The following SHCBP1L variants were observed in gnomAD, a reference collection of about 807,000 sequenced individuals.
SHCBP1L encodes testicular spindle-associated protein SHCBP1L.
A neutral mutation model predicts 62.5 loss-of-function variants in SHCBP1L; 67 were observed. The ratio of observed to expected loss-of-function variants is 1.07; its 90% confidence interval spans 0.88 to 1.31. The LOEUF is 1.31. SHCBP1L is among the 40% of genes most tolerant of loss of function. The probability of loss-of-function intolerance (pLI) is 0.00; values close to 1 mark genes in which losing one functional copy is unlikely to be tolerated. For synonymous variants in SHCBP1L, 284 were observed against 289.4 expected (o/e 0.98, Z 0.19); for missense variants, 823 against 809.8 (o/e 1.02, Z -0.20).
At position 182,915,804 on chromosome 1, in the gene SHCBP1L, T is replaced by C. The variant is rs189197877; in HGVS notation, c.1183-10155A>G. Among the ~76,000 whole-genome samples the C allele has an allele frequency of 3.4e-3, 501 of 146,344 alleles. 1 individual carries two copies. The highest frequency in any genetic ancestry group is 5.2e-3 in the Non-Finnish European group (351 of 67,642). On this transcript the variant is annotated intron_variant, in intron 6 of 9. Transcript: ENST00000367547. ...ACATATGTGAAAATTAAACAACGTA[T>C]TCTTTTTTTTTTTTTTTTTTGAGAC...
chr1:182,940,600 G>T lies in SHCBP1L; in HGVS notation c.556-57C>A. ...TAGTTATAAATATCAGTAAACCGCA[G>T]GATTTCTTTCTCATATATGAGCTCA... On this transcript the variant is annotated intron_variant, in intron 2 of 9. Transcript: ENST00000367547. 5 of 1,446,988 alleles carry T rather than the reference G, an allele frequency of 3.5e-6. No individual in the cohort carries two copies. The South Asian group carries it at 4.0e-5, about 11-fold the overall frequency. The allele number at this position is 1,446,988 out of a possible 1,614,324, so 89.6% of individuals were successfully genotyped here.
chr1:182,940,253 C>T lies in SHCBP1L; in HGVS notation c.770+76G>A, dbSNP rs537250645. 21 of 1,237,366 alleles carry T rather than the reference C, an allele frequency of 1.7e-5. No homozygotes were observed. In the East Asian group the frequency reaches 2.6e-4, roughly 15 times the overall value. The allele number at this position is 1,237,366 out of a possible 1,614,324, so 76.6% of individuals were successfully genotyped here. On this transcript the variant is annotated intron_variant, in intron 3 of 9. Transcript: ENST00000367547. ...ATTAAATCAGTAAGTGCTTGTAAAG[C>T]GATTATATGAACAAAACCTTCACAT...
intron 6 of SHCBP1L, among the ~76,000 whole-genome samples, chr1:182,918,291 C>T (rs1650424908): frequency 6.7e-6 from 1 of 149,276 alleles, no homozygotes; most frequent in African/African-American, 2.5e-5. Context: ...CATATGATAG[C>T]TAATAAACAA....
At chr1:182,924,532 G>A (rs1019586985) in intron 6 of SHCBP1L, among the ~76,000 whole-genome samples, 1 of 151,332 alleles carries the variant, frequency 6.6e-6, no homozygotes, top group Non-Finnish European at 1.5e-5. Flanking sequence ...TCCTGACCTC[G>A]TGATCCTCCC....
intron 5 of SHCBP1L, among the ~76,000 whole-genome samples, chr1:182,930,703 G>GTGTGTGTGTA (rs1463256863): frequency 2.8e-4 from 4 of 14,282 alleles, no homozygotes; most frequent in African/African-American, 7.9e-4. Flanking sequence ...GTGTGTGTGT[G>GTGTGTGTGTA]TATATATATA....
rs143434276 is a variant in SHCBP1L at position 182,904,427 on chromosome 1, A to G, written c.1340T>C (p.Val447Ala). The G allele has an allele frequency of 7.0e-3, 11,261 of 1,613,378 alleles. 77 individuals carry two copies. Among genetic ancestry groups the G allele is most frequent in the Non-Finnish European group, 7.3e-3 (8,602 of 1,179,802 alleles). The change falls in exon 8 of 10, where the codon GTT becomes GCT. Residue 447 changes from valine (V) to alanine (A), a missense_variant. Transcript: ENST00000367547. Reference sequence around the variant, plus strand: ...AATCATAATTTCCTCTCTCTTTCCAACTCCTGATTCATAGGGATAAAAATA... The same window carrying G: ...AATCATAATTTCCTCTCTCTTTCCAGCTCCTGATTCATAGGGATAAAAATA... ...LLTDDIIIKG[V>A]GKREEIMITS...
At chr1:182,912,604 C>A (rs531960063) in intron 6 of SHCBP1L, among the ~76,000 whole-genome samples, 2 of 151,910 alleles carry the variant, frequency 1.3e-5, no homozygotes, top group South Asian at 2.1e-4. Context: ...TTCATTGCAA[C>A]CTCTGCCTCC....
chr1:182,941,523 C>A (rs1330882996), intron 2 of SHCBP1L, among the ~76,000 whole-genome samples: 1 of 152,024 alleles, frequency 6.6e-6, no homozygotes, highest in Admixed American at 6.6e-5. Flanking sequence ...TTACATACAG[C>A]CCACCAGTTC....
chr1:182,904,243 T>C lies in SHCBP1L; in HGVS notation c.1524A>G (p.Thr508=). Residue 508 remains threonine, a synonymous_variant, in exon 8 of 10, where the codon ACA becomes ACG. Coordinates refer to ENST00000367547, the MANE Select transcript of SHCBP1L (RefSeq NM_030933.4). ...CAGCCCCTGTAAGAACACACACTCCTGTTCCTTCACATTTTAATATGCAGT... is the reference window on the plus strand; with the variant it reads ...CAGCCCCTGTAAGAACACACACTCCCGTTCCTTCACATTTTAATATGCAGT... ...LENCILKCEG[T]GVCVLTGAAL... is the part of the protein sequence containing the mutation. 6.2e-7 allele frequency: 1 copy of C among 1,614,176 alleles called. No homozygotes were observed. The highest frequency in any genetic ancestry group is 1.1e-5 in the South Asian group (1 of 91,088).
chr1:182,907,254 G>A (rs888844667), intron 6 of SHCBP1L, among the ~76,000 whole-genome samples: 2 of 151,452 alleles, frequency 1.3e-5, no homozygotes, highest in African/African-American at 4.8e-5. Context: ...CCAACATGGT[G>A]AAACCCCGTC....
At chr1:182,935,775 A>G (rs1344274709) in intron 5 of SHCBP1L, among the ~76,000 whole-genome samples, 7 of 152,164 alleles carry the variant, frequency 4.6e-5, no homozygotes, top group Admixed American at 4.6e-4. Flanking sequence ...TGTCCTGATA[A>G]TTGTCCTAGT....
chr1:182,908,727 G>T (rs895225861), intron 6 of SHCBP1L, among the ~76,000 whole-genome samples: 2 of 151,994 alleles, frequency 1.3e-5, no homozygotes, highest in Non-Finnish European at 2.9e-5. Flanking sequence ...ATTTCTTTAG[G>T]AAACATTACT....
chr1:182,946,241 CT>C (rs2101958470), intron 2 of SHCBP1L, among the ~76,000 whole-genome samples: 1 of 152,062 alleles, frequency 6.6e-6, no homozygotes, highest in South Asian at 2.1e-4. Context: ...AATTTATGAC[CT>C]TTGGTTCTGA....
chr1:182,916,619 C>A (rs972309133), intron 6 of SHCBP1L, among the ~76,000 whole-genome samples: 1 of 152,088 alleles, frequency 6.6e-6, no homozygotes, highest in African/African-American at 2.4e-5. Flanking sequence ...AACAAATGCA[C>A]TGATTTCATA....
chr1:182,943,202 G>A (rs1476587918), intron 2 of SHCBP1L, among the ~76,000 whole-genome samples: 4 of 150,280 alleles, frequency 2.7e-5, no homozygotes, highest in African/African-American at 4.9e-5. Flanking sequence ...CTGCAGCCTC[G>A]AACTCCTGGG....
At position 182,904,921 on chromosome 1, in the gene SHCBP1L, A is replaced by AT. The variant is rs1649966309; in HGVS notation, c.1337-492dup. Among the ~76,000 whole-genome samples the AT allele has an allele frequency of 2.0e-5, 3 of 151,810 alleles. No homozygotes were observed. In the South Asian group the frequency reaches 6.2e-4, roughly 32 times the overall value. ...GCCACCACATCCAGCTAACTTTTGA[A>AT]TTTTTTGTAGAGATGGGGTTTCACT... On this transcript the variant is annotated intron_variant, in intron 7 of 9. Transcript: ENST00000367547.
At chr1:182,922,270 G>A (rs945467350) in intron 6 of SHCBP1L, among the ~76,000 whole-genome samples, 2 of 152,064 alleles carry the variant, frequency 1.3e-5, no homozygotes, top group African/African-American at 4.8e-5. Flanking sequence ...AGATGTTTGA[G>A]ACCTGAACTC....
rs1289142927 is a variant in SHCBP1L, at chr1:182,899,870, T to A, written c.*113A>T. The A allele has an allele frequency of 1.1e-6, 1 of 877,824 alleles. No individual in the cohort carries two copies. Among genetic ancestry groups the A allele is most frequent in the African/African-American group, 1.7e-5 (1 of 58,060 alleles). The allele number at this position is 877,824 out of a possible 1,614,324, so 54.4% of individuals were successfully genotyped here. A position where few individuals can be genotyped will look rare whatever the true frequency, so the allele number is the denominator to read the frequency against. On this transcript the variant is annotated 3_prime_UTR_variant, in exon 10 of 10. Coordinates refer to ENST00000367547, the MANE Select transcript of SHCBP1L (RefSeq NM_030933.4). ...TGAATCATTCAGTGAAAGCATGATA[T>A]TTAAATATTTTTTAATTAAGCTTTG...
At chr1:182,926,920 A>G (rs908159110) in intron 6 of SHCBP1L, among the ~76,000 whole-genome samples, 1 of 151,636 alleles carries the variant, frequency 6.6e-6, no homozygotes, top group Non-Finnish European at 1.5e-5. Flanking sequence ...TAGGATTATT[A>G]TCCCAATTTT....
Sources: gnomAD v4.1 joint callset for allele counts (sites outside exome capture counted in the v4.1 genomes callset) on GRCh38, gnomAD v4.1.1 for gene constraint, MANE v1.5 for transcripts, NCBI Gene and HGNC (gene_info 2026-07-23, HGNC 2026-07-21) for gene names.